Variants in CEACAM21 observed in about 807,000 individuals in gnomAD.
CEACAM21 encodes cell adhesion molecule CEACAM21.
A neutral mutation model predicts 33.2 loss-of-function variants in CEACAM21; 38 were observed. The ratio of observed to expected loss-of-function variants is 1.14; its 90% CI spans 0.88 to 1.50. The LOEUF is 1.50. Among genes scored for constraint, CEACAM21 ranks in the 40% most tolerant of loss-of-function variants. CEACAM21 has a pLI of 0.00. For synonymous variants in CEACAM21, 156 were observed against 143.0 expected (o/e 1.09, Z -0.65); for missense variants, 385 against 364.6 (o/e 1.06, Z -0.46).
At chr19:41,553,715 CCTGTACAGGGA>C (rs2041362715) in intron 1 of CEACAM21, 4 of 151,972 alleles carry the variant, frequency 2.6e-5, no homozygotes, top group Admixed American at 2.6e-4. Flanking sequence ...GATCAGTAAC[CCTGTACAGGGA>C]CTGTGTTCAC....
chr19:41,584,968 A>G (rs1228777357), intron 4 of CEACAM21, among the ~76,000 whole-genome samples: 1 of 152,240 alleles, frequency 6.6e-6, no homozygotes, highest in Non-Finnish European at 1.5e-5. Context: ...GCCAAAGGGC[A>G]GAGACAGAAG....
At chr19:41,549,671 T>G (rs113959398) in intron 1 of CEACAM21, 2 of 152,140 alleles carry the variant, frequency 1.3e-5, no homozygotes, top group Non-Finnish European at 2.9e-5. Flanking sequence ...TGATGTGGTG[T>G]TTTTTTGTTT....
upstream of CEACAM21, among the ~76,000 whole-genome samples, chr19:41,572,155 G>A (rs2042654702): frequency 6.6e-6 from 1 of 152,120 alleles, no homozygotes. Context: ...CTACAAAAGT[G>A]ACATTAACGG....
At chr19:41,577,124 G>C in intron 1 of CEACAM21, 76 bp from the exon 2 acceptor site, 1 of 1,547,844 alleles carries the variant, frequency 6.5e-7, no homozygotes. Flanking sequence ...GGGGTGAAGA[G>C]ACCTGCACCC....
intron 2 of CEACAM21, among the ~76,000 whole-genome samples, chr19:41,569,982 A>C (rs535993611): frequency 1.3e-5 from 2 of 152,272 alleles, no homozygotes; most frequent in African/African-American, 4.8e-5. Flanking sequence ...GCTGCTGTGC[A>C]TCCTGGAGGT....
intron 3 of CEACAM21, among the ~76,000 whole-genome samples, chr19:41,582,536 G>C (rs58163879): frequency 6.6e-6 from 1 of 152,190 alleles, no homozygotes; most frequent in Admixed American, 6.5e-5. Context: ...ACTTCCACCT[G>C]GACATCCAAG....
At chr19:41,572,821 C>T (rs1483345014), upstream of CEACAM21, among the ~76,000 whole-genome samples, 1 of 152,176 alleles carries the variant, frequency 6.6e-6, no homozygotes, top group Non-Finnish European at 1.5e-5. Context: ...CTTGGAGGTG[C>T]TTTCTCACGA....
chr19:41,560,018 A>C (rs573151503), intron 1 of CEACAM21, among the ~76,000 whole-genome samples: 3 of 152,296 alleles, frequency 2.0e-5, no homozygotes, highest in Admixed American at 1.3e-4. Context: ...AAAACAAAAC[A>C]AAAAGCATGA....
rs782067256 is a variant in CEACAM21, at chr19:41,585,814, G to A, written c.851-26G>A. 1.0e-4 allele frequency: 167 copies of A among 1,609,874 alleles called. 1 individual carries two copies. Among genetic ancestry groups the A allele is most frequent in the South Asian group, 2.0e-4 (18 of 90,018 alleles). On this transcript the variant is annotated intron_variant, in intron 5 of 6. Coordinates refer to ENST00000401445, the MANE Select transcript of CEACAM21 (RefSeq NM_001098506.4). Reference sequence around the variant, plus strand: ...GGGGCCCAGCTATCCTAACACTCTCGTGCTCACTTTTGTCTCTGTCCCCAG... The same window carrying A: ...GGGGCCCAGCTATCCTAACACTCTCATGCTCACTTTTGTCTCTGTCCCCAG...
At chr19:41,585,783 G>T (rs2064173994) in intron 5 of CEACAM21, 57 bp from the exon 6 acceptor site, 1 of 1,569,430 alleles carries the variant, frequency 6.4e-7, no homozygotes, top group South Asian at 1.1e-5. Flanking sequence ...ACACACTCTT[G>T]CAGGAGGGGC....
At chr19:41,555,160 C>T (rs1462418573) in intron 1 of CEACAM21, 1 of 152,012 alleles carries the variant, frequency 6.6e-6, no homozygotes, top group African/African-American at 2.4e-5. Flanking sequence ...TGTTAAGTTC[C>T]AAGAAATCCC....
chr19:41,555,334 A>C (rs1435121903), intron 1 of CEACAM21: 30 of 149,844 alleles, frequency 2.0e-4, no homozygotes, highest in African/African-American at 6.6e-4. Context: ...TTTGCAAGGA[A>C]ACATATAGAT....
Position 41,577,391 on chromosome 19 carries a change from A to C in CEACAM21, c.256A>C (p.Thr86Pro). 6.2e-7 allele frequency: 1 copy of C among 1,612,746 alleles called. No individual in the cohort carries two copies. The highest frequency in any genetic ancestry group is 8.5e-7 in the Non-Finnish European group (1 of 1,179,838). The stretch of plus-strand genomic sequence containing the variant: ...GCTAATCGCAGCATATGTAATAGAC[A>C]CTCACGTTAGGACTCCAGGGCCTGC... Reference protein sequence around the residue: ...NQLIAAYVIDTHVRTPGPAYS... With the variant: ...NQLIAAYVIDPHVRTPGPAYS... The change falls in exon 2 of 7, where the codon ACT becomes CCT. Residue 86 changes from threonine to proline, a missense_variant. Thr to Pro is a conservative substitution (Grantham distance 38). Coordinates refer to ENST00000401445, the MANE Select transcript of CEACAM21 (RefSeq NM_001098506.4).
intron 1 of CEACAM21, chr19:41,553,743 T>A: frequency 6.6e-6 from 1 of 152,164 alleles, no homozygotes; most frequent in Non-Finnish European, 1.5e-5. Flanking sequence ...TCACAGGATA[T>A]AAGGTCAGTT....
At chr19:41,585,754 C>A in intron 5 of CEACAM21, 86 bp from the exon 6 acceptor site, 1 of 1,389,922 alleles carries the variant, frequency 7.2e-7, no homozygotes, top group Middle Eastern at 1.8e-4. Context: ...CCCCAATTCT[C>A]TAAGAACTGA....
At chr19:41,566,980 C>T (rs1223572908) in intron 2 of CEACAM21, among the ~76,000 whole-genome samples, 2 of 152,132 alleles carry the variant, frequency 1.3e-5, no homozygotes, top group African/African-American at 4.8e-5. Flanking sequence ...TAAAATCTCT[C>T]TTGTGTCTTC....
At chr19:41,565,453 A>G (rs2042190536) in intron 2 of CEACAM21, 1 of 152,136 alleles carries the variant, frequency 6.6e-6, no homozygotes. Context: ...CCTTGTTCCA[A>G]CACAGGCCTG....
intron 1 of CEACAM21, among the ~76,000 whole-genome samples, chr19:41,552,436 G>C (rs1218514714): frequency 1.3e-5 from 2 of 152,174 alleles, no homozygotes; most frequent in Non-Finnish European, 2.9e-5. Flanking sequence ...GAAAGGCCTA[G>C]GTAAAACCCT....
At chr19:41,552,570 C>G (rs1024214350) in intron 1 of CEACAM21, among the ~76,000 whole-genome samples, 2 of 152,206 alleles carry the variant, frequency 1.3e-5, no homozygotes, top group Non-Finnish European at 2.9e-5. Context: ...TTAGTGAAAT[C>G]TGGCCTGCCA....
Sources: gnomAD v4.1 joint callset for allele counts (sites outside exome capture counted in the v4.1 genomes callset) on GRCh38, gnomAD v4.1.1 for gene constraint, MANE v1.5 for transcripts, NCBI Gene and HGNC (gene_info 2026-07-23, HGNC 2026-07-21) for gene names.